GLG1: variants seen among roughly 807,000 people sequenced by gnomAD.
GLG1 encodes Golgi apparatus protein 1.
GLG1 carries 38 observed loss-of-function variants against 160.5 expected under a neutral mutation model. The ratio of observed to expected loss-of-function variants is 0.24; its 90% CI spans 0.18 to 0.31. The LOEUF is 0.31. Ranked by LOEUF, GLG1 falls within the 10% of genes least tolerant of loss-of-function variation. The probability of loss-of-function intolerance (pLI) is 1.00; values close to 1 mark genes in which losing one functional copy is unlikely to be tolerated. For missense variants in GLG1, 1,373 were observed against 1,505.2 expected, an observed-to-expected ratio of 0.91 and a Z score of 1.45; for synonymous variants, 644 against 543.4, an observed-to-expected ratio of 1.19 and a Z score of -2.57.
chr16:74,454,504 A>G (rs558031829), intron 25 of GLG1, among the ~76,000 whole-genome samples: 95 of 151,362 alleles, frequency 6.3e-4, no homozygotes, highest in African/African-American at 2.2e-3. Flanking sequence ...TGTCTCTACT[A>G]AAAATACAAA....
intron 1 of GLG1, among the ~76,000 whole-genome samples, chr16:74,560,026 A>ATTCAG (rs2018464034): frequency 6.6e-6 from 1 of 152,198 alleles, no homozygotes; most frequent in Non-Finnish European, 1.5e-5. Context: ...TACACATTTT[A>ATTCAG]TTCAGATTGT....
chr16:74,575,959 G>C (rs1285372852), intron 1 of GLG1, among the ~76,000 whole-genome samples: 4 of 152,112 alleles, frequency 2.6e-5, no homozygotes, highest in Non-Finnish European at 5.9e-5. Context: ...CCAGCACTTT[G>C]GGAGGCCAAG....
intron 1 of GLG1, among the ~76,000 whole-genome samples, chr16:74,565,491 A>C (rs981648202): frequency 5.9e-5 from 9 of 152,136 alleles, no homozygotes; most frequent in Admixed American, 1.3e-4. Context: ...ACTGCAACCT[A>C]CTCCTGTAAC....
chr16:74,517,398 T>C (rs1363444751), intron 2 of GLG1, among the ~76,000 whole-genome samples: 2 of 152,092 alleles, frequency 1.3e-5, no homozygotes, highest in South Asian at 2.1e-4. Context: ...GTTCAACATA[T>C]GCAAATCAAT....
chr16:74,533,427 T>TA (rs2017601443), intron 1 of GLG1, among the ~76,000 whole-genome samples: 1 of 152,232 alleles, frequency 6.6e-6, no homozygotes, highest in Admixed American at 6.5e-5. Context: ...ATAACTCCTT[T>TA]AGTTTCCTTG....
intron 22 of GLG1, among the ~76,000 whole-genome samples, chr16:74,460,027 T>TC (rs2014723710): frequency 6.6e-6 from 1 of 150,464 alleles, no homozygotes; most frequent in South Asian, 2.1e-4. Context: ...GGCTGATTTT[T>TC]TTTTTTTTTT....
At chr16:74,466,993 A>G (rs1437799943) in intron 18 of GLG1, among the ~76,000 whole-genome samples, 2 of 152,228 alleles carry the variant, frequency 1.3e-5, no homozygotes, top group African/African-American at 4.8e-5. Context: ...GAAGGAACAC[A>G]TAGATTGTGA....
chr16:74,499,889 G>A (rs1460623192), intron 4 of GLG1, among the ~76,000 whole-genome samples: 1 of 152,170 alleles, frequency 6.6e-6, no homozygotes, highest in Non-Finnish European at 1.5e-5. Context: ...TGTAGTCCCA[G>A]CCACTCAGGA....
intron 1 of GLG1, among the ~76,000 whole-genome samples, chr16:74,601,132 TG>T (rs1958429648): frequency 6.6e-6 from 1 of 152,206 alleles, no homozygotes; most frequent in Non-Finnish European, 1.5e-5. Flanking sequence ...GATTAATTGC[TG>T]TTTGAATTAT....
chr16:74,528,971 T>C (rs533106980), intron 2 of GLG1, among the ~76,000 whole-genome samples: 407 of 11,658 alleles, frequency 0.035, 2 homozygotes, highest in African/African-American at 0.11. Context: ...TCTGTCTGCC[T>C]TTTTTTTTTT....
At chr16:74,578,477 A>T (rs72792705) in intron 1 of GLG1, among the ~76,000 whole-genome samples, 17,117 of 152,194 alleles carry the variant, frequency 0.11, 1,278 homozygotes, top group Non-Finnish European at 0.17. Context: ...TAATTTTTTT[A>T]AAAAAATCAA....
intron 17 of GLG1, chr16:74,468,084 G>A (rs138522218): frequency 1.1e-5 from 5 of 443,886 alleles, no homozygotes; most frequent in Non-Finnish European, 1.6e-5. Flanking sequence ...ACCTTATTTA[G>A]TCCTTCACAG....
At chr16:74,466,017 G>A (rs2014986661) in intron 18 of GLG1, among the ~76,000 whole-genome samples, 2 of 152,148 alleles carry the variant, frequency 1.3e-5, no homozygotes, top group Non-Finnish European at 2.9e-5. Flanking sequence ...AAAAACTCAG[G>A]ATGACTGGCA....
intron 1 of GLG1, among the ~76,000 whole-genome samples, chr16:74,569,950 A>G (rs754322111): frequency 4.6e-4 from 69 of 151,198 alleles, no homozygotes; most frequent in Admixed American, 3.6e-3. Flanking sequence ...TGGGAGGCTG[A>G]GGCCAGTGGA....
chr16:74,527,885 C>CTT (rs5817914), intron 2 of GLG1, among the ~76,000 whole-genome samples: 1 of 104,990 alleles, frequency 9.5e-6, no homozygotes, highest in Non-Finnish European at 1.9e-5. Flanking sequence ...GTGGTTAATT[C>CTT]TTTTTTTTTT....
chr16:74,496,290 G>C (rs2016183227), intron 5 of GLG1, 151 bp downstream of exon 5: 1 of 585,138 alleles, frequency 1.7e-6, no homozygotes, highest in South Asian at 2.1e-5. Flanking sequence ...GGCTGAGCTG[G>C]AGCACTGCTT....
Position 74,462,162 on chromosome 16 carries a change from T to C in GLG1, c.2968A>G (p.Ile990Val), listed in dbSNP as rs969115942. ...LSSDCEDQIR[I>V]IIQESALDYR... ...TCCAGGGCGGACTCCTGGATAATGA[T>C]TCGGATCTGGTCTTCACAGTCTGAA... The change falls in exon 22 of 26, where the codon ATC (isoleucine) becomes GTC (valine). Residue 990 changes from isoleucine to valine, a missense_variant. Coordinates refer to ENST00000422840, the MANE Select transcript of GLG1 (RefSeq NM_001145667.2). 3.7e-6 allele frequency: 6 copies of C among 1,607,904 alleles called. No individual in the cohort carries two copies. The highest frequency in any genetic ancestry group is 5.1e-6 in the Non-Finnish European group (6 of 1,174,634).
chr16:74,583,066 G>T (rs923288796), intron 1 of GLG1, among the ~76,000 whole-genome samples: 1 of 151,744 alleles, frequency 6.6e-6, no homozygotes, highest in African/African-American at 2.4e-5. Context: ...AAATCTTCTT[G>T]TAACTCCCAA....
intron 1 of GLG1, among the ~76,000 whole-genome samples, chr16:74,580,729 A>T (rs1176210259): frequency 6.6e-6 from 1 of 152,224 alleles, no homozygotes; most frequent in Non-Finnish European, 1.5e-5. Context: ...GCAACCTATG[A>T]AAAGGAAGAA....
Sources: gnomAD v4.1 joint callset for allele counts (sites outside exome capture counted in the v4.1 genomes callset) on GRCh38, gnomAD v4.1.1 for gene constraint, MANE v1.5 for transcripts, NCBI Gene and HGNC (gene_info 2026-07-23, HGNC 2026-07-21) for gene names.